METTL15: variants seen among roughly 807,000 people sequenced by gnomAD.
METTL15 encodes the protein 12S rRNA N(4)-cytidine methyltransferase METTL15.
Under a neutral mutation model 38.3 loss-of-function variants are expected in METTL15, and 34 were observed. The ratio of observed to expected loss-of-function variants is 0.89; its 90% CI spans 0.68 to 1.18. METTL15 has a LOEUF of 1.18. Among genes scored for constraint, METTL15 ranks in the 50% most tolerant of loss-of-function variants. METTL15 has a pLI of 0.00. For missense variants in METTL15, 438 were observed against 498.4 expected (o/e 0.88, Z 1.15); for synonymous variants, 162 against 170.9 (o/e 0.95, Z 0.41).
chr11:28,181,881 A>C (rs966572322), intron 3 of METTL15, among the ~76,000 whole-genome samples: 7 of 152,178 alleles, frequency 4.6e-5, no homozygotes, highest in Non-Finnish European at 1.5e-5. Context: ...CCAGCAGTGT[A>C]AAAGTATTCC....
intron 4 of METTL15, among the ~76,000 whole-genome samples, chr11:28,244,629 T>C (rs1430152039): frequency 2.0e-5 from 3 of 152,222 alleles, no homozygotes; most frequent in Non-Finnish European, 2.9e-5. Context: ...GTTTGAGAAC[T>C]ACTGTATCTA....
At chr11:28,222,500 T>A (rs1194288116) in intron 4 of METTL15, among the ~76,000 whole-genome samples, 1 of 152,220 alleles carries the variant, frequency 6.6e-6, no homozygotes, top group Non-Finnish European at 1.5e-5. Flanking sequence ...CTTGCACTTC[T>A]GGGGTGAGGC....
rs180751861 is a variant in METTL15, at chr11:28,256,087, T to G, written c.408-34119T>G. 5.6e-4 allele frequency among the ~76,000 whole-genome samples: 86 copies of G among 152,334 alleles called. 1 individual carries two copies. The highest frequency in any genetic ancestry group is 3.9e-3 in the Admixed American group (59 of 15,304). On this transcript the variant is annotated intron_variant, in intron 4 of 6. Transcript: ENST00000407364. ...GATGAATGATCTTTTTAATGTATTG[T>G]TGAATTCAGTTTGCTAGTGTTTTAT...
At chr11:28,275,154 A>T (rs529278731) in intron 4 of METTL15, among the ~76,000 whole-genome samples, 1 of 151,754 alleles carries the variant, frequency 6.6e-6, no homozygotes, top group Admixed American at 6.6e-5. Context: ...AAGAAACAAT[A>T]TAAAGGATCA....
At chr11:28,407,469 A>C (rs925238051) in intron 5 of METTL15, among the ~76,000 whole-genome samples, 5 of 152,190 alleles carry the variant, frequency 3.3e-5, no homozygotes, top group African/African-American at 1.2e-4. Flanking sequence ...TTTGCAAGAA[A>C]AAAAACAACC....
downstream of METTL15, chr11:28,333,619 AT>A (rs1849871725): frequency 6.6e-6 from 1 of 152,020 alleles, no homozygotes; most frequent in African/African-American, 2.4e-5. Context: ...AATAACTACA[AT>A]TTTTAGATAA....
At chr11:28,174,899 G>A (rs1455161991) in intron 3 of METTL15, among the ~76,000 whole-genome samples, 1 of 149,832 alleles carries the variant, frequency 6.7e-6, no homozygotes, top group Non-Finnish European at 1.5e-5. Context: ...ATGTATTGAA[G>A]ATTTTCTTTG....
chr11:28,499,490 C>A (rs1427000613), intron 6 of METTL15, among the ~76,000 whole-genome samples: 2 of 152,164 alleles, frequency 1.3e-5, no homozygotes, highest in African/African-American at 4.8e-5. Context: ...TCTCTTTATT[C>A]CTAGATGATA....
intron 3 of METTL15, among the ~76,000 whole-genome samples, chr11:28,161,107 C>CTTTTTTTTTTTTTTTTTTTTTTTTTTTT (rs10660185): frequency 1.5e-5 from 2 of 131,902 alleles, no homozygotes. Context: ...TTGCACCTTC[C>CTTTTTTTTTTTTTTTTTTTTTTTTTTTT]TTTTTTTTTT....
At chr11:28,311,134 C>G (rs1590305485) in intron 6 of METTL15, among the ~76,000 whole-genome samples, 1 of 152,022 alleles carries the variant, frequency 6.6e-6, no homozygotes, top group Non-Finnish European at 1.5e-5. Flanking sequence ...GCATGGCAGG[C>G]TTTATACAGT....
intron 4 of METTL15, among the ~76,000 whole-genome samples, chr11:28,288,762 T>G (rs938926819): frequency 6.6e-6 from 1 of 152,122 alleles, no homozygotes; most frequent in Non-Finnish European, 1.5e-5. Flanking sequence ...TAAACCCCCA[T>G]GATACAAGTT....
At chr11:28,398,922 T>C (rs928220255) in intron 5 of METTL15, 2 of 151,998 alleles carry the variant, frequency 1.3e-5, no homozygotes, top group African/African-American at 4.8e-5. Flanking sequence ...TACCATTGAC[T>C]TTCTTCACAG....
At chr11:28,340,303 T>TA (rs1414469013) in intron 3 of METTL15, among the ~76,000 whole-genome samples, 1 of 152,090 alleles carries the variant, frequency 6.6e-6, no homozygotes, top group South Asian at 2.1e-4. Flanking sequence ...ATGCTTGTAT[T>TA]AAAAAATAAG....
intron 6 of METTL15, among the ~76,000 whole-genome samples, chr11:28,487,358 G>C (rs549952969): frequency 4.0e-4 from 61 of 152,114 alleles, no homozygotes; most frequent in African/African-American, 1.4e-3. Context: ...ATAATATCTA[G>C]ACATAAAGAA....
chr11:28,220,029 T>C (rs1316880457), intron 4 of METTL15, among the ~76,000 whole-genome samples: 2 of 152,226 alleles, frequency 1.3e-5, no homozygotes, highest in East Asian at 3.8e-4. Context: ...GAGAAGAATG[T>C]ATATTCTGTT....
At chr11:28,258,561 C>A (rs552452275) in intron 4 of METTL15, among the ~76,000 whole-genome samples, 1 of 152,058 alleles carries the variant, frequency 6.6e-6, no homozygotes, top group Admixed American at 6.5e-5. Context: ...TTTAGTGTAC[C>A]GTAGCTGAGC....
chr11:28,195,225 A>G (rs1257048579), intron 3 of METTL15, among the ~76,000 whole-genome samples: 2 of 152,072 alleles, frequency 1.3e-5, no homozygotes, highest in African/African-American at 2.4e-5. Flanking sequence ...TTTTAGGTAG[A>G]TACCCAGTAG....
At chr11:28,440,476 A>T (rs1851024937) in intron 6 of METTL15, among the ~76,000 whole-genome samples, 1 of 152,240 alleles carries the variant, frequency 6.6e-6, no homozygotes, top group Non-Finnish European at 1.5e-5. Context: ...AAGATTCTGG[A>T]TTCAGACTGG....
At chr11:28,203,331 A>C (rs1852185295) in intron 3 of METTL15, among the ~76,000 whole-genome samples, 1 of 152,100 alleles carries the variant, frequency 6.6e-6, no homozygotes, top group South Asian at 2.1e-4. Flanking sequence ...ATCATATACA[A>C]AATAATTATC....
Sources: gnomAD v4.1 joint callset for allele counts (sites outside exome capture counted in the v4.1 genomes callset) on GRCh38, gnomAD v4.1.1 for gene constraint, MANE v1.5 for transcripts, NCBI Gene and HGNC (gene_info 2026-07-23, HGNC 2026-07-21) for gene names.